Variants in LIMS2 observed in about 807,000 individuals in gnomAD.
The protein encoded by LIMS2 is LIM and senescent cell antigen-like-containing domain protein 2.
LIMS2 carries 30 observed loss-of-function variants against 45.3 expected under a neutral mutation model. The ratio of observed to expected loss-of-function variants is 0.66; its 90% CI spans 0.50 to 0.90. The LOEUF is 0.90. Ranked by LOEUF, LIMS2 falls within the 40% of genes least tolerant of loss-of-function variation. The pLI, the probability that LIMS2 is intolerant of heterozygous loss-of-function variation, is 0.00. For synonymous variants in LIMS2, 173 were observed against 188.0 expected (o/e 0.92, Z 0.65); for missense variants, 485 against 468.7 (o/e 1.03, Z -0.32).
Position 127,643,030 on chromosome 2 carries a change from G to T in LIMS2, c.402C>A (p.Gly134=). 6.3e-7 allele frequency: 1 copy of T among 1,588,300 alleles called. No individual in the cohort carries two copies. Among genetic ancestry groups the T allele is most frequent in the Non-Finnish European group, 8.6e-7 (1 of 1,167,754 alleles). Residue 134 remains glycine, a synonymous_variant, in exon 5 of 10, where the codon GGC becomes GGA. Coordinates refer to ENST00000355119, the MANE Select transcript of LIMS2 (RefSeq NM_001161403.3). ...ACCGCTGGCAGATGTACTTGCCCAG[G>T]CCCTTGGCCTTCTCACGGTTGTGGC... ...RPCHNREKAK[G]LGKYICQRCH...
intron 2 of LIMS2, chr2:127,655,576 C>G (rs1352908970): frequency 6.5e-6 from 1 of 154,212 alleles, no homozygotes; most frequent in Non-Finnish European, 1.4e-5. Context: ...ATAGCCCTAC[C>G]CAGTGACCTG....
Position 127,654,810 on chromosome 2 carries a change from T to C in LIMS2, c.238+20A>G. ...CCCACTTCCCAGGCAGCCCAGGATG[T>C]GTACTGTCACCGGCCTTACCGCAGG... On this transcript the variant is annotated intron_variant, in intron 3 of 9. Coordinates refer to ENST00000355119, the MANE Select transcript of LIMS2 (RefSeq NM_001161403.3). 1 of 1,613,506 alleles carries C rather than the reference T, an allele frequency of 6.2e-7. No homozygotes were observed. The highest frequency in any genetic ancestry group is 8.5e-7 in the Non-Finnish European group (1 of 1,179,508).
chr2:127,677,090 G>C (rs776726577), upstream of LIMS2, among the ~76,000 whole-genome samples: 1 of 152,234 alleles, frequency 6.6e-6, no homozygotes, highest in Admixed American at 6.5e-5. This position sits in a 1 kb window ranked among gnomAD's most constrained non-coding sequence, Gnocchi z 5.0. Context: ...TAGGGGTTGT[G>C]GGCATGGCTT....
Position 127,666,398 on chromosome 2 carries a change from C to A in LIMS2, c.11+8616G>T, listed in dbSNP as rs184950171. 2.0e-3 allele frequency among the ~76,000 whole-genome samples: 287 copies of A among 140,406 alleles called. 3 individuals are homozygous for A. The highest frequency in any genetic ancestry group is 0.013 in the South Asian group (59 of 4,710). The allele number at this position is 140,406 out of a possible 152,430, so 92.1% of individuals were successfully genotyped here. ...ATCTTGGTAAACAAACAAACAAACA[C>A]AAACCAGTGAGGTTTGTGTTGTTTT... On this transcript the variant is annotated intron_variant, in intron 1 of 9. Coordinates refer to ENST00000355119, the MANE Select transcript of LIMS2 (RefSeq NM_001161403.3).
Position 127,643,029 on chromosome 2 carries a change from G to A in LIMS2, c.403C>T (p.Leu135=). The change falls in exon 5 of 10, where the codon CTG becomes TTG. Residue 135 remains leucine (L), a synonymous_variant. Coordinates refer to ENST00000355119, the MANE Select transcript of LIMS2 (RefSeq NM_001161403.3). ...CACCGCTGGCAGATGTACTTGCCCAGGCCCTTGGCCTTCTCACGGTTGTGG... is the reference window on the plus strand; with the variant it reads ...CACCGCTGGCAGATGTACTTGCCCAAGCCCTTGGCCTTCTCACGGTTGTGG... The part of the protein sequence containing the change: ...PCHNREKAKG[L]GKYICQRCHL... 6.3e-7 allele frequency: 1 copy of A among 1,588,186 alleles called. No individual in the cohort carries two copies. The highest frequency in any genetic ancestry group is 2.3e-5 in the East Asian group (1 of 43,636).
intron 1 of LIMS2, among the ~76,000 whole-genome samples, chr2:127,663,836 C>A (rs1684835416): frequency 6.6e-6 from 1 of 152,180 alleles, no homozygotes; most frequent in African/African-American, 2.4e-5. Context: ...CATCCCCGTG[C>A]CCCTCCCAAC....
intron 1 of LIMS2, among the ~76,000 whole-genome samples, chr2:127,668,764 T>C (rs1043604823): frequency 3.5e-5 from 5 of 143,712 alleles, no homozygotes; most frequent in Admixed American, 2.9e-4. Context: ...AGTGTGGCAG[T>C]GGTGTAAGGA....
At chr2:127,643,331 T>C in intron 4 of LIMS2, 1 of 543,814 alleles carries the variant, frequency 1.8e-6, no homozygotes, top group Non-Finnish European at 3.4e-6. Context: ...TATTTTCCTC[T>C]TTCTACTTTC....
Position 127,639,410 on chromosome 2 carries a change from G to A in LIMS2, c.897C>T (p.Phe299=), listed in dbSNP as rs375582487. The A allele has an allele frequency of 5.1e-5, 82 of 1,613,730 alleles. No individual in the cohort carries two copies. Among genetic ancestry groups the A allele is most frequent in the Admixed American group, 8.3e-5 (5 of 59,994 alleles). ...KLTLKNKFVE[F]DMKPVCKRCY... is the part of the protein sequence containing the mutation. ...ACCTCTTACACACGGGCTTCATGTC[G>A]AACTCCACAAACTTGTTCCTGAGGA... is the stretch of plus-strand genomic sequence containing the variant. Residue 299 remains phenylalanine, a synonymous_variant, in exon 10 of 10, where the codon TTC becomes TTT. Transcript: ENST00000355119.
At chr2:127,661,388 C>T (rs1426666933) in intron 1 of LIMS2, among the ~76,000 whole-genome samples, 1 of 152,258 alleles carries the variant, frequency 6.6e-6, no homozygotes, top group Non-Finnish European at 1.5e-5. Flanking sequence ...TGTTGTTTTC[C>T]AGCAACTCTG....
At chr2:127,673,646 T>G in intron 1 of LIMS2, 1 of 1,549,042 alleles carries the variant, frequency 6.5e-7, no homozygotes, top group Admixed American at 2.0e-5. Flanking sequence ...TCGACATCCC[T>G]CCTGTGCCTG....
chr2:127,658,865 T>G (rs1455745411), intron 1 of LIMS2, among the ~76,000 whole-genome samples: 1 of 152,148 alleles, frequency 6.6e-6, no homozygotes, highest in African/African-American at 2.4e-5. Flanking sequence ...GCAGTGCCTT[T>G]GGGAATACCT....
rs572982811 is a variant in LIMS2 at position 127,650,519 on chromosome 2, T to C, written c.359+3905A>G. 360 of 582,180 alleles carry C rather than the reference T, an allele frequency of 6.2e-4. 1 individual carries two copies. The highest frequency in any genetic ancestry group is 8.4e-4 in the Non-Finnish European group (275 of 328,782). The allele number at this position is 582,180 out of a possible 1,614,324, so 36.1% of individuals were successfully genotyped here. On this transcript the variant is annotated intron_variant, in intron 4 of 9. Coordinates refer to ENST00000355119, the MANE Select transcript of LIMS2 (RefSeq NM_001161403.3). ...CCAAGCCCTGGTTCTGCGTTTGCCT[T>C]GTGCTGAAGTTCAGAATGCCTCTGA...
chr2:127,638,853 C>T lies in LIMS2; in HGVS notation c.*428G>A, dbSNP rs551264706. Reference sequence around the variant, plus strand: ...CTGTGGCTCCAGCAGGCTGCCCTGGCTGTGGGTAGCCCAGGAGCCACATGC... The same window carrying T: ...CTGTGGCTCCAGCAGGCTGCCCTGGTTGTGGGTAGCCCAGGAGCCACATGC... On this transcript the variant is annotated 3_prime_UTR_variant, in exon 10 of 10. Coordinates refer to ENST00000355119, the MANE Select transcript of LIMS2 (RefSeq NM_001161403.3). 4.4e-3 allele frequency: 762 copies of T among 172,890 alleles called. 7 individuals carry two copies. Among genetic ancestry groups the T allele is most frequent in the African/African-American group, 0.017 (712 of 41,964 alleles). 10.7% of individuals were successfully genotyped at this position (172,890 alleles called of 1,614,324 possible). A position where few individuals can be genotyped will look rare whatever the true frequency, so the allele number is the denominator to read the frequency against.
At chr2:127,658,412 G>C (rs1684402984) in intron 1 of LIMS2, among the ~76,000 whole-genome samples, 1 of 152,144 alleles carries the variant, frequency 6.6e-6, no homozygotes, top group African/African-American at 2.4e-5. Flanking sequence ...AAAAAGACAA[G>C]AGTATGAATC....
intron 4 of LIMS2, among the ~76,000 whole-genome samples, chr2:127,654,044 G>A (rs781007616): frequency 5.3e-5 from 8 of 152,034 alleles, no homozygotes; most frequent in Non-Finnish European, 1.2e-4. Flanking sequence ...GGAACTTCTG[G>A]AGTACCCATG....
intron 7 of LIMS2, 21 bp downstream of exon 7, chr2:127,640,875 A>G: frequency 6.2e-7 from 1 of 1,607,572 alleles, no homozygotes; most frequent in Non-Finnish European, 8.5e-7. Flanking sequence ...CGCATCCCTG[A>G]AGGTTCTGCA....
rs1453549372 is a variant in LIMS2, at chr2:127,667,554, A to G, written c.11+7460T>C. On this transcript the variant is annotated intron_variant, in intron 1 of 9. Coordinates refer to ENST00000355119, the MANE Select transcript of LIMS2 (RefSeq NM_001161403.3). The surrounding 1 kb of genome is among the most constrained non-coding windows in gnomAD (Gnocchi z 4.1). ...GGGTTGGTTTCACATCCAAAATTCA[A>G]TGTAATATACCATATCAATAGAATA... is the stretch of plus-strand genomic sequence containing the variant. Among the ~76,000 whole-genome samples, 3 of 152,258 alleles carry G rather than the reference A, an allele frequency of 2.0e-5. No homozygotes were observed. Among genetic ancestry groups the G allele is most frequent in the Admixed American group, 1.3e-4 (2 of 15,286 alleles).
chr2:127,681,752 C>T (rs1685620846), exon 1 of LIMS2: 1 of 152,208 alleles, frequency 6.6e-6, no homozygotes, highest in Non-Finnish European at 1.5e-5. Context: ...GCCGAGTAGC[C>T]TGATGTTCAC....
Sources: allele counts gnomAD v4.1 joint callset (sites outside exome capture counted in the v4.1 genomes callset), GRCh38; gene constraint gnomAD v4.1.1; non-coding constraint Gnocchi (gnomAD v3.1); transcripts MANE v1.5; gene names NCBI Gene and HGNC (gene_info 2026-07-23, HGNC 2026-07-21).